The following POGK variants were observed in gnomAD, a reference collection of about 807,000 sequenced individuals.
POGK encodes pogo transposable element derived with KRAB domain, also known as pogo transposable element with KRAB domain.
Under a neutral mutation model 54.4 loss-of-function variants are expected in POGK, and 16 were observed. The observed-to-expected ratio is 0.29, with a 90% CI of 0.20 to 0.45. The LOEUF is 0.45. POGK is among the 20% of genes least tolerant of loss of function. The probability of loss-of-function intolerance (pLI) is 1.00; values close to 1 mark genes in which losing one functional copy is unlikely to be tolerated. For synonymous variants in POGK, 271 were observed against 302.2 expected, an observed-to-expected ratio of 0.90 and a Z score of 1.07; for missense variants, 515 against 795.6, an observed-to-expected ratio of 0.65 and a Z score of 4.24.
intron 2 of POGK, among the ~76,000 whole-genome samples, chr1:166,845,413 A>G (rs1192066306): frequency 1.3e-5 from 2 of 151,734 alleles, no homozygotes; most frequent in African/African-American, 4.8e-5. Context: ...ATTGCAGGGA[A>G]TAAATGAAGC....
Position 166,849,963 on chromosome 1 carries a change from C to T in POGK, c.1384C>T (p.Pro462Ser). 6.2e-7 allele frequency: 1 copy of T among 1,614,200 alleles called. No individual in the cohort carries two copies. Among genetic ancestry groups the T allele is most frequent in the Admixed American group, 1.7e-5 (1 of 60,018 alleles). ...GTGGAGACGGAGGACAGGAGCAGTG[C>T]CCAAGCAGCGAGGGATGCTGATCTT... ...VVWRRRTGAVPKQRGMLILNG... is the reference protein window; with the variant it reads ...VVWRRRTGAVSKQRGMLILNG... Residue 462 changes from proline (P) to serine (S), a missense_variant, in exon 5 of 6, where the codon CCC (proline) becomes TCC (serine). Pro to Ser is a moderately conservative substitution (Grantham distance 74). Transcript: ENST00000367876.
intron 2 of POGK, among the ~76,000 whole-genome samples, chr1:166,841,524 G>T (rs1379500545): frequency 6.6e-6 from 1 of 152,240 alleles, no homozygotes; most frequent in South Asian, 2.1e-4. Flanking sequence ...AGTTGACACA[G>T]GAGAGCTGCC....
intron 2 of POGK, among the ~76,000 whole-genome samples, chr1:166,844,048 A>G (rs1435520106): frequency 6.6e-6 from 1 of 152,228 alleles, no homozygotes; most frequent in Non-Finnish European, 1.5e-5. Context: ...GGATCGCTCC[A>G]TTCTCACAGA....
rs1248616913 is a variant in POGK at position 166,853,976 on chromosome 1, G to A, written c.*1406G>A. On this transcript the variant is annotated 3_prime_UTR_variant, in exon 6 of 6. Coordinates refer to ENST00000367876, the MANE Select transcript of POGK (RefSeq NM_017542.5). ...TACTGTATTCTTGGTCATCTCAAAT[G>A]GCGTCTAAACCCAGCTACTTTGCAT... 6.6e-6 allele frequency: 1 copy of A among 152,156 alleles called. No homozygotes were observed. The highest frequency in any genetic ancestry group is 1.9e-4 in the East Asian group (1 of 5,188). 9.4% of individuals were successfully genotyped at this position (152,156 alleles called of 1,614,324 possible).
chr1:166,849,062 G>A lies in POGK; in HGVS notation c.483G>A (p.Leu161=). 3 of 1,614,202 alleles carry A rather than the reference G, an allele frequency of 1.9e-6. No homozygotes were observed. Among genetic ancestry groups the A allele is most frequent in the Non-Finnish European group, 2.5e-6 (3 of 1,180,034 alleles). Residue 161 remains leucine, a synonymous_variant, in exon 5 of 6, where the codon CTG becomes CTA. Coordinates refer to ENST00000367876, the MANE Select transcript of POGK (RefSeq NM_017542.5). ...GLRLPRDITE[L]PEWSEGYPFY... ...GTCTGCCTCGGGATATCACAGAGCT[G>A]CCCGAGTGGAGTGAGGGGTACCCCT...
chr1:166,850,553 C>A, intron 5 of POGK, 130 bp downstream of exon 5: 2 of 999,208 alleles, frequency 2.0e-6, no homozygotes, highest in Non-Finnish European at 2.8e-6. Context: ...GATCAGGGGT[C>A]CCCAACCCCC....
At position 166,852,914 on chromosome 1, in the gene POGK, C is replaced by G. The variant is rs1177252258; in HGVS notation, c.*344C>G. On this transcript the variant is annotated 3_prime_UTR_variant, in exon 6 of 6. Transcript: ENST00000367876. ...AAATATGAAAGAACAAAGGTTATTTCCTGGAGAAAAGACAATTTATTCAAC... is the reference window on the plus strand; with the variant it reads ...AAATATGAAAGAACAAAGGTTATTTGCTGGAGAAAAGACAATTTATTCAAC... The G allele has an allele frequency of 1.3e-5, 2 of 152,252 alleles. No homozygotes were observed. Among genetic ancestry groups the G allele is most frequent in the African/African-American group, 4.8e-5 (2 of 41,462 alleles). The allele number at this position is 152,252 out of a possible 1,614,324, so 9.4% of individuals were successfully genotyped here.
In POGK at chr1:166,852,949, G is replaced by T. The variant is rs1308200174; in HGVS notation, c.*379G>T. ...AGACAATTTATTCAACACCAACGAGGGACTCATCATATGGGCACAACTCTG... is the reference window on the plus strand; with the variant it reads ...AGACAATTTATTCAACACCAACGAGTGACTCATCATATGGGCACAACTCTG... On this transcript the variant is annotated 3_prime_UTR_variant, in exon 6 of 6. Coordinates refer to ENST00000367876, the MANE Select transcript of POGK (RefSeq NM_017542.5). The T allele has an allele frequency of 6.6e-6, 1 of 152,136 alleles. No homozygotes were observed. The highest frequency in any genetic ancestry group is 1.5e-5 in the Non-Finnish European group (1 of 68,030). 9.4% of individuals were successfully genotyped at this position (152,136 alleles called of 1,614,324 possible).
chr1:166,847,513 A>G lies in POGK; in HGVS notation c.279A>G (p.Pro93=). Residue 93 remains proline, a synonymous_variant, in exon 4 of 6, where the codon CCA becomes CCG. Transcript: ENST00000367876. ...AAACAGAATTCCCATTCCCTAAGCC[A>G]GACATGATCACCCGTTTGGAAGGGG... ...VLSLEFPFPK[P]DMITRLEGEE... The G allele has an allele frequency of 1.9e-6, 3 of 1,614,022 alleles. No individual in the cohort carries two copies. The highest frequency in any genetic ancestry group is 2.5e-6 in the Non-Finnish European group (3 of 1,179,904).
rs1361004096 is a variant in POGK, at chr1:166,855,259, C to T, written c.*2689C>T. 2 of 152,130 alleles carry T rather than the reference C, an allele frequency of 1.3e-5. No individual in the cohort carries two copies. Among genetic ancestry groups the T allele is most frequent in the African/African-American group, 4.8e-5 (2 of 41,428 alleles). The allele number at this position is 152,130 out of a possible 1,614,324, so 9.4% of individuals were successfully genotyped here. On this transcript the variant is annotated 3_prime_UTR_variant, in exon 6 of 6. Transcript: ENST00000367876. ...CCTGGTTTTGCACAGTGATAAATTC[C>T]TGCAGGAAAAAATAAGTTTTATTCT... is the stretch of plus-strand genomic sequence containing the variant.
chr1:166,845,186 C>T (rs1657794025), intron 2 of POGK, among the ~76,000 whole-genome samples: 3 of 151,950 alleles, frequency 2.0e-5, no homozygotes, highest in African/African-American at 7.3e-5. Context: ...TGAGACCTCT[C>T]CAAGCCCATA....
rs572608600 is a variant in POGK, at chr1:166,847,667, C to T, written c.358+75C>T. ...AGTGGGATTTTCAGTGTACATTCCA[C>T]GGGGTATTTAAGAGGTAGAAGGATT... is the stretch of plus-strand genomic sequence containing the variant. On this transcript the variant is annotated intron_variant, in intron 4 of 5. Coordinates refer to ENST00000367876, the MANE Select transcript of POGK (RefSeq NM_017542.5). 7.7e-5 allele frequency: 89 copies of T among 1,157,220 alleles called. No individual in the cohort carries two copies. In the East Asian group the frequency reaches 1.0e-3, roughly 13 times the overall value. The allele number at this position is 1,157,220 out of a possible 1,614,324, so 71.7% of individuals were successfully genotyped here.
chr1:166,848,311 T>C (rs1288682800), intron 4 of POGK, among the ~76,000 whole-genome samples: 6 of 152,248 alleles, frequency 3.9e-5, no homozygotes, highest in Admixed American at 2.6e-4. Flanking sequence ...CTACAACTGA[T>C]GACATTTTAG....
intron 1 of POGK, chr1:166,839,998 G>T (rs902227191): frequency 6.6e-6 from 1 of 152,228 alleles, no homozygotes; most frequent in Admixed American, 6.5e-5. Context: ...CTCTGCCCCG[G>T]AGCCGGCAGG....
intron 2 of POGK, among the ~76,000 whole-genome samples, chr1:166,843,073 A>G (rs1044132053): frequency 1.3e-5 from 2 of 152,264 alleles, no homozygotes; most frequent in Non-Finnish European, 2.9e-5. Flanking sequence ...TAGAAATACA[A>G]TTTTAAGTAG....
At chr1:166,851,438 T>C (rs940979252) in intron 5 of POGK, 1 of 152,232 alleles carries the variant, frequency 6.6e-6, no homozygotes, top group Non-Finnish European at 1.5e-5. Context: ...AGATATTTTT[T>C]AACTGAATCT....
chr1:166,845,310 A>T (rs1312216996), intron 2 of POGK, among the ~76,000 whole-genome samples: 1 of 148,654 alleles, frequency 6.7e-6, no homozygotes, highest in Non-Finnish European at 1.5e-5. Flanking sequence ...GTGAGCCAAG[A>T]TCGTGCCACT....
chr1:166,848,898 T>C (rs1359326789), intron 4 of POGK, 40 bp from the exon 5 acceptor site: 3 of 1,543,630 alleles, frequency 1.9e-6, no homozygotes, highest in Non-Finnish European at 2.6e-6. Context: ...GCCATTTTAC[T>C]TACTGGCATT....
chr1:166,854,105 T>C lies in POGK; in HGVS notation c.*1535T>C, dbSNP rs1658187509. On this transcript the variant is annotated 3_prime_UTR_variant, in exon 6 of 6. Coordinates refer to ENST00000367876, the MANE Select transcript of POGK (RefSeq NM_017542.5). The stretch of plus-strand genomic sequence containing the variant: ...TCTCTTGCTTTGGGAGCTTAAAAGA[T>C]TTTACAAGACCTAATTTTGGGTTCC... The C allele has an allele frequency of 6.6e-6, 1 of 152,500 alleles. No homozygotes were observed. Among genetic ancestry groups the C allele is most frequent in the Admixed American group, 6.5e-5 (1 of 15,280 alleles). The allele number at this position is 152,500 out of a possible 1,614,324, so 9.4% of individuals were successfully genotyped here.
Sources: gnomAD v4.1 joint callset for allele counts (sites outside exome capture counted in the v4.1 genomes callset) on GRCh38, gnomAD v4.1.1 for gene constraint, MANE v1.5 for transcripts, NCBI Gene and HGNC (gene_info 2026-07-23, HGNC 2026-07-21) for gene names.